The following GALNT13 variants were observed in gnomAD, a reference collection of about 807,000 sequenced individuals.
GALNT13 encodes the protein UDP-GalNAc:polypeptide N-acetylgalactosaminyltransferase 13.
In GALNT13, 28 loss-of-function variants were observed where a neutral mutation model predicts 64.2. That is an observed-to-expected ratio of 0.44 (90% CI 0.32 to 0.60). The LOEUF (loss-of-function observed/expected upper bound fraction) is 0.60. Among genes scored for constraint, GALNT13 ranks in the 20% least tolerant of loss-of-function variants. The pLI, the probability that GALNT13 is intolerant of heterozygous loss-of-function variation, is 0.05. For synonymous variants in GALNT13, 214 were observed against 224.6 expected (o/e 0.95, Z 0.42); for missense variants, 577 against 669.8 (o/e 0.86, Z 1.53).
the GALNT13 span, among the ~76,000 whole-genome samples, chr2:153,115,462 G>A: frequency 6.6e-6 from 1 of 152,150 alleles, no homozygotes; most frequent in African/African-American, 2.4e-5. Context: ...TTTTTCTCAT[G>A]TTTTCACTTG....
At chr2:153,777,956 G>A in the GALNT13 span, among the ~76,000 whole-genome samples, 14 of 152,186 alleles carry the variant, frequency 9.2e-5, no homozygotes, top group Non-Finnish European at 1.6e-4. Context: ...TGGAGAATGA[G>A]TGCAAGGTTT....
intron 9 of GALNT13, among the ~76,000 whole-genome samples, chr2:154,305,682 C>T (rs1390426826): frequency 6.6e-6 from 1 of 152,132 alleles, no homozygotes; most frequent in East Asian, 1.9e-4. Context: ...TTTCAATATA[C>T]TCTATAAAAT....
chr2:154,088,533 C>T (rs1003576914), intron 3 of GALNT13, among the ~76,000 whole-genome samples: 1 of 152,280 alleles, frequency 6.6e-6, no homozygotes, highest in Admixed American at 6.5e-5. Flanking sequence ...CTCACTGCAA[C>T]CTCCGCCTCC....
At chr2:153,317,643 A>T in the GALNT13 span, among the ~76,000 whole-genome samples, 1 of 152,116 alleles carries the variant, frequency 6.6e-6, no homozygotes, top group African/African-American at 2.4e-5. Context: ...TGCCTTTCCC[A>T]TACTGATACC....
At chr2:153,942,141 C>T (rs1005670273) in intron 2 of GALNT13, among the ~76,000 whole-genome samples, 2 of 152,050 alleles carry the variant, frequency 1.3e-5, no homozygotes, top group South Asian at 2.1e-4. Flanking sequence ...TTTTCTTGAA[C>T]GATTTTTTAA....
the GALNT13 span, among the ~76,000 whole-genome samples, chr2:153,382,123 A>G: frequency 6.6e-6 from 1 of 152,140 alleles, no homozygotes; most frequent in South Asian, 2.1e-4. Context: ...TAGATCTGCT[A>G]AGGATGGTCT....
rs181591133 is a variant in GALNT13 at position 154,269,950 on chromosome 2, G to A, written c.975+10812G>A. 2.7e-4 allele frequency among the ~76,000 whole-genome samples: 21 copies of A among 76,602 alleles called. No individual in the cohort carries two copies. The East Asian group carries it at 9.0e-3, about 33-fold the overall frequency. 50.3% of individuals were successfully genotyped at this position (76,602 alleles called of 152,430 possible). The stretch of plus-strand genomic sequence containing the variant: ...TTTCTAAAGCACAGGGTGAGTAGGT[G>A]TCACAGAATAATATTTCATTATGGT... On this transcript the variant is annotated intron_variant, in intron 8 of 12. Coordinates refer to ENST00000392825, the MANE Select transcript of GALNT13 (RefSeq NM_052917.4).
chr2:154,372,049 C>A (rs1231040250), intron 9 of GALNT13, among the ~76,000 whole-genome samples: 1 of 151,982 alleles, frequency 6.6e-6, no homozygotes, highest in African/African-American at 2.4e-5. Flanking sequence ...GGAAGAGATG[C>A]TCTCATCAAG....
At chr2:154,040,797 CAG>C (rs1249117924) in intron 3 of GALNT13, among the ~76,000 whole-genome samples, 1 of 139,774 alleles carries the variant, frequency 7.2e-6, no homozygotes, top group Non-Finnish European at 1.6e-5. Flanking sequence ...CAGCAAGATA[CAG>C]AAAAAAGTTG....
At chr2:153,456,899 G>A in the GALNT13 span, among the ~76,000 whole-genome samples, 1 of 152,188 alleles carries the variant, frequency 6.6e-6, no homozygotes, top group African/African-American at 2.4e-5. Flanking sequence ...GATAATATAA[G>A]TGAATGCAAA....
the GALNT13 span, among the ~76,000 whole-genome samples, chr2:153,359,722 A>G: frequency 6.6e-6 from 1 of 151,664 alleles, no homozygotes; most frequent in Non-Finnish European, 1.5e-5. Context: ...AATTAGAATA[A>G]AACTCAGATA....
At chr2:153,254,978 A>T in the GALNT13 span, among the ~76,000 whole-genome samples, 1 of 151,926 alleles carries the variant, frequency 6.6e-6, no homozygotes, top group Admixed American at 6.6e-5. Context: ...GTAGATGTCT[A>T]TTAGGTCCAC....
the GALNT13 span, among the ~76,000 whole-genome samples, chr2:153,772,352 A>T: frequency 3.3e-5 from 5 of 152,168 alleles, no homozygotes; most frequent in African/African-American, 7.2e-5. Flanking sequence ...AGTTTTCTCC[A>T]GGGCTTCAGA....
the GALNT13 span, among the ~76,000 whole-genome samples, chr2:153,563,156 A>G: frequency 2.6e-5 from 4 of 151,658 alleles, no homozygotes; most frequent in Admixed American, 2.0e-4. Context: ...CTTACCTTCC[A>G]TAATATCTCT....
the GALNT13 span, among the ~76,000 whole-genome samples, chr2:153,296,584 A>G: frequency 2.0e-5 from 3 of 152,196 alleles, no homozygotes; most frequent in African/African-American, 7.2e-5. Context: ...AAGCTAAGTG[A>G]AATTGCCATT....
the GALNT13 span, among the ~76,000 whole-genome samples, chr2:153,864,449 A>C: frequency 6.6e-6 from 1 of 152,078 alleles, no homozygotes; most frequent in African/African-American, 2.4e-5. Context: ...TTCACTCATG[A>C]TTTGGCTCTC....
chr2:153,242,965 G>T, the GALNT13 span, among the ~76,000 whole-genome samples: 3 of 152,158 alleles, frequency 2.0e-5, no homozygotes, highest in East Asian at 5.8e-4. Context: ...TGGGATTATC[G>T]AAAATTACTT....
chr2:153,574,133 T>G, the GALNT13 span, among the ~76,000 whole-genome samples: 9 of 151,554 alleles, frequency 5.9e-5, no homozygotes, highest in East Asian at 1.7e-3. Context: ...GGTAAAGTTT[T>G]TTTTTTTTTT....
chr2:153,627,802 TC>T, the GALNT13 span, among the ~76,000 whole-genome samples: 2 of 152,122 alleles, frequency 1.3e-5, no homozygotes, highest in Non-Finnish European at 2.9e-5. Context: ...CCAGCTTTGT[TC>T]TTTTGGCTTG....
Sources: gnomAD v4.1 joint callset for allele counts (sites outside exome capture counted in the v4.1 genomes callset) on GRCh38, gnomAD v4.1.1 for gene constraint, MANE v1.5 for transcripts, NCBI Gene and HGNC (gene_info 2026-07-23, HGNC 2026-07-21) for gene names.